RAPGEF1: variants seen among roughly 807,000 people sequenced by gnomAD.
The protein encoded by RAPGEF1 is CRK SH3-binding GNRP.
In RAPGEF1, 33 loss-of-function variants were observed where a neutral mutation model predicts 143.3. The ratio of observed to expected loss-of-function variants is 0.23; its 90% CI spans 0.17 to 0.31. The LOEUF (loss-of-function observed/expected upper bound fraction) is 0.31. Ranked by LOEUF, RAPGEF1 falls within the 10% of genes least tolerant of loss-of-function variation. The pLI is 1.00. For synonymous variants in RAPGEF1, 629 were observed against 676.5 expected (o/e 0.93, Z 1.09); for missense variants, 1,199 against 1,645.4 (o/e 0.73, Z 4.69).
chr9:131,605,240 A>G, intron 12 of RAPGEF1, 52 bp from the exon 13 acceptor site: 1 of 1,218,134 alleles, frequency 8.2e-7, no homozygotes, highest in East Asian at 5.7e-5. Context: ...AGAAGAAAAG[A>G]GAAAAAGTAA....
In RAPGEF1 at chr9:131,626,234, C is replaced by G. The variant is rs775172011; in HGVS notation, c.1390G>C (p.Gly464Arg). Reference sequence around the variant, plus strand: ...GCAGGTGGCGTATCTGTCTGCTGCCCTGGGGCCAGAGGTCCGTCTGGCTGG... The same window carrying G: ...GCAGGTGGCGTATCTGTCTGCTGCCGTGGGGCCAGAGGTCCGTCTGGCTGG... ...HPQPDGPLAP[G>R]QQTDTPPALP... The change falls in exon 10 of 27, where the codon GGG becomes CGG. Residue 464 changes from glycine (G) to arginine (R), a missense_variant. This residue lies in a region of RAPGEF1 where 613 missense variants were observed against 710.9 expected (regional missense o/e 0.86). Transcript: ENST00000683357. 7.9e-5 allele frequency: 127 copies of G among 1,613,916 alleles called. No homozygotes were observed. The East Asian group carries it at 2.8e-3, about 35-fold the overall frequency.
chr9:131,697,738 C>T (rs139304839), intron 1 of RAPGEF1, among the ~76,000 whole-genome samples: 1 of 152,336 alleles, frequency 6.6e-6, no homozygotes, highest in Non-Finnish European at 1.5e-5. Context: ...GTGTCAGAGA[C>T]AAAGTTCACT....
chr9:131,687,767 C>T (rs555681247), intron 1 of RAPGEF1, among the ~76,000 whole-genome samples: 7 of 152,104 alleles, frequency 4.6e-5, no homozygotes, highest in East Asian at 1.9e-4. Flanking sequence ...TCTCTCACCA[C>T]GCCACACATC....
At chr9:131,709,799 C>T (rs760400780) in intron 1 of RAPGEF1, 85 of 1,499,182 alleles carry the variant, frequency 5.7e-5, no homozygotes, top group Middle Eastern at 4.3e-4. Flanking sequence ...AACCACCCAG[C>T]GGCAGAACCC....
intron 1 of RAPGEF1, among the ~76,000 whole-genome samples, chr9:131,659,047 T>G (rs1013039619): frequency 1.1e-4 from 16 of 152,256 alleles, no homozygotes; most frequent in African/African-American, 3.9e-4. Flanking sequence ...AGAAACGCTG[T>G]GGCTAATTCC....
intron 1 of RAPGEF1, among the ~76,000 whole-genome samples, chr9:131,701,423 C>A (rs1417130653): frequency 6.6e-6 from 1 of 152,142 alleles, no homozygotes; most frequent in African/African-American, 2.4e-5. Flanking sequence ...AAGAAAAAAC[C>A]GATTTCCAGG....
intron 1 of RAPGEF1, among the ~76,000 whole-genome samples, chr9:131,691,039 G>T (rs909730702): frequency 6.6e-6 from 1 of 152,084 alleles, no homozygotes; most frequent in African/African-American, 2.4e-5. Flanking sequence ...AATTTCTTGC[G>T]CTTTGCATTT....
rs1244101487 is a variant in RAPGEF1 at position 131,657,138 on chromosome 9, G to A, written c.62-6189C>T. The stretch of plus-strand genomic sequence containing the variant: ...ACACTATGCCTTTGAGTGCTGAGGA[G>A]GTACTATAATGCTTTGCGATAGCAG... On this transcript the variant is annotated intron_variant, in intron 1 of 26. Transcript: ENST00000683357. Among the ~76,000 whole-genome samples the A allele has an allele frequency of 4.6e-5, 7 of 152,216 alleles. No homozygotes were observed. The East Asian group carries it at 1.4e-3, about 29-fold the overall frequency.
chr9:131,704,816 T>C (rs2131152521), intron 1 of RAPGEF1, among the ~76,000 whole-genome samples: 1 of 152,272 alleles, frequency 6.6e-6, no homozygotes, highest in Non-Finnish European at 1.5e-5. Flanking sequence ...GGTGCCTGCC[T>C]GCCTGCCTAC....
intron 3 of RAPGEF1, among the ~76,000 whole-genome samples, chr9:131,644,078 G>A (rs1184206063): frequency 1.3e-5 from 2 of 152,196 alleles, no homozygotes; most frequent in Admixed American, 1.3e-4. Flanking sequence ...ATTCAATCAC[G>A]ACTCATGCAG....
Position 131,583,845 on chromosome 9 carries a change from C to A in RAPGEF1, c.3414+466G>T, listed in dbSNP as rs1006821042. The stretch of plus-strand genomic sequence containing the variant: ...TTCCCAGGAAACTCCTCCTCCTCTG[C>A]AGATGGTGGCATGAGTGACACTTCC... On this transcript the variant is annotated intron_variant, in intron 24 of 26. Coordinates refer to ENST00000683357, the MANE Select transcript of RAPGEF1 (RefSeq NM_001377935.1). This position sits in a 1 kb window ranked among gnomAD's most constrained non-coding sequence, Gnocchi z 4.7. Among the ~76,000 whole-genome samples the A allele has an allele frequency of 2.0e-5, 3 of 152,232 alleles. No individual in the cohort carries two copies. Among genetic ancestry groups the A allele is most frequent in the African/African-American group, 4.8e-5 (2 of 41,464 alleles).
rs370711278 is a variant in RAPGEF1, at chr9:131,605,143, G to A, written c.2107C>T (p.His703Tyr). The part of the protein sequence containing the change: ...RSYSQDFVPH[H>Y]QASVPPFLPP... ...AGGAAAGGCGGAACGGAAGCTTGGT[G>A]GTGAGGCACGAAATCCTGGGAGTAG... Residue 703 changes from histidine (H) to tyrosine (Y), a missense_variant, in exon 13 of 27, where the codon CAC becomes TAC. Coordinates refer to ENST00000683357, the MANE Select transcript of RAPGEF1 (RefSeq NM_001377935.1). 1.5e-6 allele frequency: 2 copies of A among 1,362,110 alleles called. No homozygotes were observed. Among genetic ancestry groups the A allele is most frequent in the South Asian group, 1.1e-5 (1 of 86,990 alleles). 84.4% of individuals were successfully genotyped at this position (1,362,110 alleles called of 1,614,324 possible).
chr9:131,625,970 C>T lies in RAPGEF1; in HGVS notation c.1654G>A (p.Gly552Ser), dbSNP rs372117592. ...AGAGGAGGTGGTTTTTCTGGGTCAC[C>T]GGTTGACTCAGGAGCAGTAAAATCA... is the stretch of plus-strand genomic sequence containing the variant. ...VGDFTAPEST[G>S]DPEKPPPLPE... The change falls in exon 10 of 27, where the codon GGT (glycine) becomes AGT (serine). Residue 552 changes from glycine (G) to serine (S), a missense_variant. Gly to Ser is a moderately conservative substitution (Grantham distance 56). Around this residue, in one of 6 missense-constraint regions of RAPGEF1, gnomAD observed 613 missense variants for 710.9 expected, o/e 0.86. Coordinates refer to ENST00000683357, the MANE Select transcript of RAPGEF1 (RefSeq NM_001377935.1). 56 of 1,595,904 alleles carry T rather than the reference C, an allele frequency of 3.5e-5. No individual in the cohort carries two copies. The African/African-American group carries it at 5.0e-4, about 14-fold the overall frequency.
intron 1 of RAPGEF1, among the ~76,000 whole-genome samples, chr9:131,705,044 C>T (rs1221396000): frequency 2.0e-5 from 3 of 152,192 alleles, no homozygotes; most frequent in Non-Finnish European, 4.4e-5. Flanking sequence ...TTTTCATTCT[C>T]CAGTGTTACT....
chr9:131,602,158 A>G lies in RAPGEF1; in HGVS notation c.2413-9T>C. 1 of 1,573,102 alleles carries G rather than the reference A, an allele frequency of 6.4e-7. No individual in the cohort carries two copies. Among genetic ancestry groups the G allele is most frequent in the South Asian group, 1.2e-5 (1 of 85,894 alleles). ...TTCCCAGCCGGTGGCTCCTGGAAAG[A>G]GGAGTGGGTGCTGAGTTCTGGACAG... On this transcript the variant is annotated splice_polypyrimidine_tract_variant and intron_variant, in intron 14 of 26. Transcript: ENST00000683357.
At chr9:131,683,369 A>G (rs987822084) in intron 1 of RAPGEF1, among the ~76,000 whole-genome samples, 1 of 152,250 alleles carries the variant, frequency 6.6e-6, no homozygotes, top group African/African-American at 2.4e-5. Flanking sequence ...ACTTCCTCCA[A>G]CATTTTCCCC....
intron 5 of RAPGEF1, among the ~76,000 whole-genome samples, chr9:131,634,513 G>C (rs1965789114): frequency 6.6e-6 from 1 of 151,750 alleles, no homozygotes; most frequent in Non-Finnish European, 1.5e-5. Context: ...AGGAGTTCAA[G>C]ACCAGCCTGG....
At chr9:131,600,996 A>G (rs1236931475) in intron 15 of RAPGEF1, among the ~76,000 whole-genome samples, 1 of 152,108 alleles carries the variant, frequency 6.6e-6, no homozygotes, top group Non-Finnish European at 1.5e-5. Context: ...TCTACTAAAA[A>G]TACAAAATAA....
chr9:131,666,605 G>A (rs533442493), intron 1 of RAPGEF1, among the ~76,000 whole-genome samples: 110 of 151,990 alleles, frequency 7.2e-4, no homozygotes, highest in African/African-American at 2.6e-3. Context: ...GGCTGGTCTC[G>A]AACTCCTGAC....
Sources: allele counts gnomAD v4.1 joint callset (sites outside exome capture counted in the v4.1 genomes callset), GRCh38; gene constraint gnomAD v4.1.1; regional missense constraint gnomAD v4.1.1; non-coding constraint Gnocchi (gnomAD v3.1); transcripts MANE v1.5; gene names NCBI Gene and HGNC (gene_info 2026-07-23, HGNC 2026-07-21).